Variants in ZCCHC7 observed in about 807,000 individuals in gnomAD.
The protein encoded by ZCCHC7 is zinc finger CCHC-type containing 7.
ZCCHC7 carries 35 observed loss-of-function variants against 52.0 expected under a neutral mutation model. The observed-to-expected ratio is 0.67, with a 90% CI of 0.51 to 0.89. ZCCHC7 has a LOEUF of 0.89. Among genes scored for constraint, ZCCHC7 ranks in the 40% least tolerant of loss-of-function variants. The probability of loss-of-function intolerance (pLI) is 0.00; values close to 1 mark genes in which losing one functional copy is unlikely to be tolerated. For missense variants in ZCCHC7, 574 were observed against 649.1 expected (o/e 0.88, Z 1.26); for synonymous variants, 217 against 221.5 (o/e 0.98, Z 0.18).
At position 37,354,904 on chromosome 9, in the gene ZCCHC7, G is replaced by T; in HGVS notation, c.1198+80G>T. The T allele has an allele frequency of 2.4e-6, 2 of 849,704 alleles. No homozygotes were observed. Among genetic ancestry groups the T allele is most frequent in the Non-Finnish European group, 3.7e-6 (2 of 543,792 alleles). The allele number at this position is 849,704 out of a possible 1,614,324, so 52.6% of individuals were successfully genotyped here. A position where few individuals can be genotyped will look rare whatever the true frequency, so the allele number is the denominator to read the frequency against. ...TGTTTGTACTGTCTTTGCCTGCTTTGGGGGTCATTGGTTAGCATAGAAAGT... is the reference window on the plus strand; with the variant it reads ...TGTTTGTACTGTCTTTGCCTGCTTTTGGGGTCATTGGTTAGCATAGAAAGT... On this transcript the variant is annotated intron_variant, in intron 8 of 8. Transcript: ENST00000336755. This position sits in a 1 kb window ranked among gnomAD's most constrained non-coding sequence, Gnocchi z 4.0.
chr9:37,165,830 T>A (rs983315700), intron 2 of ZCCHC7, among the ~76,000 whole-genome samples: 8 of 152,206 alleles, frequency 5.3e-5, no homozygotes, highest in Admixed American at 4.6e-4. Context: ...AACATCAGAA[T>A]CATCTGACTC....
chr9:37,201,531 C>T (rs1422998153), intron 2 of ZCCHC7, among the ~76,000 whole-genome samples: 1 of 152,170 alleles, frequency 6.6e-6, no homozygotes, highest in Admixed American at 6.5e-5. Flanking sequence ...GTTTTCTATG[C>T]TATTTTATTT....
intron 2 of ZCCHC7, among the ~76,000 whole-genome samples, chr9:37,288,490 C>T (rs1209362192): frequency 6.6e-6 from 1 of 151,912 alleles, no homozygotes; most frequent in African/African-American, 2.4e-5. Flanking sequence ...TAGGGTACCA[C>T]ATTATGGTGA....
In ZCCHC7 at chr9:37,192,447, CAGG is replaced by C. The variant is rs550400123; in HGVS notation, c.610+65508_610+65510del. Among the ~76,000 whole-genome samples, 28 of 152,230 alleles carry C rather than the reference CAGG, an allele frequency of 1.8e-4. No homozygotes were observed. The South Asian group carries it at 5.8e-3, about 32-fold the overall frequency. Reference sequence around the variant, plus strand: ...TCTTCTTTAGATCAGGTGTGTATTACAGGAGATTTTTGAAATGTAGAAATATAT... The same window carrying C: ...TCTTCTTTAGATCAGGTGTGTATTACAGATTTTTGAAATGTAGAAATATAT... On this transcript the variant is annotated intron_variant, in intron 2 of 8. Coordinates refer to ENST00000336755, the MANE Select transcript of ZCCHC7 (RefSeq NM_032226.3).
chr9:37,220,985 C>G (rs1055728295), intron 2 of ZCCHC7, among the ~76,000 whole-genome samples: 2 of 152,182 alleles, frequency 1.3e-5, no homozygotes, highest in African/African-American at 4.8e-5. Flanking sequence ...GTAGAGTTGT[C>G]TCTTCAAGCA....
At chr9:37,151,321 CA>C (rs1820514029) in intron 2 of ZCCHC7, among the ~76,000 whole-genome samples, 1 of 152,108 alleles carries the variant, frequency 6.6e-6, no homozygotes, top group African/African-American at 2.4e-5. Flanking sequence ...TAGAATCCTT[CA>C]AGTCTTTCTC....
rs536751419 is a variant in ZCCHC7, at chr9:37,227,809, CT to C, written c.611-74375del. On this transcript the variant is annotated intron_variant, in intron 2 of 8. Coordinates refer to ENST00000336755, the MANE Select transcript of ZCCHC7 (RefSeq NM_032226.3). ...TCCTTTTTCTTTCTTTTTCTCTTTT[CT>C]TTTCTTTTTTTTGAGACAGTCTTGC... 1.4e-3 allele frequency among the ~76,000 whole-genome samples: 220 copies of C among 152,058 alleles called. 1 individual carries two copies. Among genetic ancestry groups the C allele is most frequent in the Non-Finnish European group, 2.9e-3 (199 of 67,940 alleles).
At chr9:37,356,786 A>G in intron 8 of ZCCHC7, 49 bp from the exon 9 acceptor site, 3 of 1,511,812 alleles carry the variant, frequency 2.0e-6, no homozygotes, top group Non-Finnish European at 2.7e-6. Context: ...AAAGCTCAGC[A>G]TGGACTGTTT....
At chr9:37,179,101 T>A (rs1822213790) in intron 2 of ZCCHC7, among the ~76,000 whole-genome samples, 1 of 152,226 alleles carries the variant, frequency 6.6e-6, no homozygotes, top group Non-Finnish European at 1.5e-5. Flanking sequence ...AGGCATGCTA[T>A]TTACATGAAG....
At chr9:37,316,963 T>G (rs1222336181) in intron 5 of ZCCHC7, among the ~76,000 whole-genome samples, 1 of 151,722 alleles carries the variant, frequency 6.6e-6, no homozygotes, top group African/African-American at 2.4e-5. Flanking sequence ...CAGAGATGTC[T>G]CCAAATGAAA....
At chr9:37,241,271 G>A (rs767516694) in intron 2 of ZCCHC7, among the ~76,000 whole-genome samples, 8 of 151,720 alleles carry the variant, frequency 5.3e-5, no homozygotes, top group Admixed American at 6.6e-5. Context: ...TGGGTAATGA[G>A]CGTATAACAA....
chr9:37,324,395 A>G (rs371849896), intron 5 of ZCCHC7, among the ~76,000 whole-genome samples: 2 of 152,206 alleles, frequency 1.3e-5, no homozygotes, highest in South Asian at 2.1e-4. Context: ...GCATTCTGTT[A>G]TTGTATGCTT....
intron 2 of ZCCHC7, among the ~76,000 whole-genome samples, chr9:37,288,090 G>T (rs1055965331): frequency 1.3e-5 from 2 of 151,930 alleles, no homozygotes; most frequent in Non-Finnish European, 2.9e-5. Flanking sequence ...ACCAGCCTGG[G>T]CATCATAGCA....
chr9:37,162,507 A>G (rs1821161948), intron 2 of ZCCHC7, among the ~76,000 whole-genome samples: 1 of 152,176 alleles, frequency 6.6e-6, no homozygotes, highest in Non-Finnish European at 1.5e-5. Flanking sequence ...TCAGGAGTGG[A>G]GGAGGGCTGG....
rs147803541 is a variant in ZCCHC7, at chr9:37,199,426, G to A, written c.610+72484G>A. On this transcript the variant is annotated intron_variant, in intron 2 of 8. Coordinates refer to ENST00000336755, the MANE Select transcript of ZCCHC7 (RefSeq NM_032226.3). ...AGCTCGCTGCAACCTCCACCTCCTGGGTTCAAGCGATTCTCCTGCCTCAGC... is the reference window on the plus strand; with the variant it reads ...AGCTCGCTGCAACCTCCACCTCCTGAGTTCAAGCGATTCTCCTGCCTCAGC... Among the ~76,000 whole-genome samples, 771 of 150,728 alleles carry A rather than the reference G, an allele frequency of 5.1e-3. 6 individuals carry two copies. The highest frequency in any genetic ancestry group is 0.017 in the African/African-American group (716 of 41,084).
intron 2 of ZCCHC7, among the ~76,000 whole-genome samples, chr9:37,278,803 T>C (rs1261903059): frequency 6.6e-6 from 1 of 151,994 alleles, no homozygotes; most frequent in East Asian, 1.9e-4. Context: ...AAGGAGAGCT[T>C]TGGGGAAAGC....
intron 2 of ZCCHC7, among the ~76,000 whole-genome samples, chr9:37,173,769 A>G (rs1821868257): frequency 6.6e-6 from 1 of 152,184 alleles, no homozygotes; most frequent in Admixed American, 6.5e-5. Flanking sequence ...CTTGTGAGAG[A>G]AACTTAAAAT....
rs1052270816 is a variant in ZCCHC7 at position 37,357,820 on chromosome 9, C to T, written c.*552C>T. The T allele has an allele frequency of 3.3e-5, 5 of 152,046 alleles. No individual in the cohort carries two copies. The highest frequency in any genetic ancestry group is 1.2e-4 in the African/African-American group (5 of 41,386). 9.4% of individuals were successfully genotyped at this position (152,046 alleles called of 1,614,324 possible). A position where few individuals can be genotyped will look rare whatever the true frequency, so the allele number is the denominator to read the frequency against. ...AAACAAAAGTGTCATCATTGAAGCCCTGAAGAGGCAGGGAATTGAGCTTCA... is the reference window on the plus strand; with the variant it reads ...AAACAAAAGTGTCATCATTGAAGCCTTGAAGAGGCAGGGAATTGAGCTTCA... On this transcript the variant is annotated 3_prime_UTR_variant, in exon 9 of 9. Coordinates refer to ENST00000336755, the MANE Select transcript of ZCCHC7 (RefSeq NM_032226.3).
chr9:37,213,875 C>T (rs1442428814), intron 2 of ZCCHC7, among the ~76,000 whole-genome samples: 2 of 151,942 alleles, frequency 1.3e-5, no homozygotes, highest in South Asian at 2.1e-4. Context: ...TTTCCATTTC[C>T]CTGGCTCAGT....
Sources: gnomAD v4.1 joint callset for allele counts (sites outside exome capture counted in the v4.1 genomes callset) on GRCh38, gnomAD v4.1.1 for gene constraint, Gnocchi (gnomAD v3.1) non-coding constraint, MANE v1.5 for transcripts, NCBI Gene and HGNC (gene_info 2026-07-23, HGNC 2026-07-21) for gene names.